Variants in PYGL observed in about 807,000 individuals in gnomAD.
PYGL encodes the protein glycogen phosphorylase L, also known as glycogen phosphorylase, liver form.
In PYGL, 90 loss-of-function variants were observed where a neutral mutation model predicts 100.1. The ratio of observed to expected loss-of-function variants is 0.90; its 90% CI spans 0.76 to 1.07. PYGL has a LOEUF of 1.07. Among genes scored for constraint, PYGL ranks in the 50% least tolerant of loss-of-function variants. The pLI, the probability that PYGL is intolerant of heterozygous loss-of-function variation, is 0.00. For missense variants in PYGL, 1,016 were observed against 1,057.6 expected, an observed-to-expected ratio of 0.96 and a Z score of 0.55; for synonymous variants, 373 against 393.0, an observed-to-expected ratio of 0.95 and a Z score of 0.60.
chr14:50,910,568 G>T (rs1411608215), intron 16 of PYGL, among the ~76,000 whole-genome samples: 2 of 152,008 alleles, frequency 1.3e-5, no homozygotes, highest in African/African-American at 4.8e-5. Flanking sequence ...CAATCTTCCT[G>T]CCCCAGCCTC....
chr14:50,908,065 A>T, intron 19 of PYGL: 1 of 453,434 alleles, frequency 2.2e-6, no homozygotes, highest in Non-Finnish European at 3.9e-6. Flanking sequence ...TGAAATGTCA[A>T]ATCTCAACCT....
rs2050402379 is a variant in PYGL, at chr14:50,911,878, GGAA to G, written c.1828-10_1828-8del. On this transcript the variant is annotated splice_region_variant and splice_polypyrimidine_tract_variant and intron_variant, in intron 15 of 19. Coordinates refer to ENST00000216392, the MANE Select transcript of PYGL (RefSeq NM_002863.5). ...TGTGATATCCTGGGGCAGCCTTTGG[GGAA>G]GAAGGTCAAACGCATTGACAGAAGG... 1 of 1,614,032 alleles carries G rather than the reference GGAA, an allele frequency of 6.2e-7. No homozygotes were observed. The highest frequency in any genetic ancestry group is 8.5e-7 in the Non-Finnish European group (1 of 1,180,020).
intron 17 of PYGL, 85 bp downstream of exon 17, chr14:50,909,810 G>T: frequency 1.2e-5 from 17 of 1,439,744 alleles, no homozygotes; most frequent in Non-Finnish European, 1.6e-5. Context: ...GTGGGATATC[G>T]GTGTGGGCAG....
chr14:50,944,066 C>A (rs1253184017), intron 1 of PYGL, 95 bp downstream of exon 1: 2 of 1,443,620 alleles, frequency 1.4e-6, no homozygotes, highest in Non-Finnish European at 1.9e-6. Context: ...GTGCAAGGGA[C>A]CACTCTGAGG....
intron 13 of PYGL, 64 bp from the exon 14 acceptor site, chr14:50,912,367 T>G (rs1340214475): frequency 6.3e-7 from 1 of 1,580,500 alleles, no homozygotes; most frequent in African/African-American, 1.3e-5. Flanking sequence ...GTCTGGTTTT[T>G]CTTTTTTTTG....
chr14:50,920,939 G>C lies in PYGL; in HGVS notation c.772+17C>G. On this transcript the variant is annotated intron_variant, in intron 6 of 19. Transcript: ENST00000216392. ...TAAGCACACGCATAAAGAAACCAAG[G>C]CCTGTGCTGTACTCACAGTCTCTGA... is the stretch of plus-strand genomic sequence containing the variant. The C allele has an allele frequency of 6.3e-7, 1 of 1,592,498 alleles. No individual in the cohort carries two copies. The highest frequency in any genetic ancestry group is 8.6e-7 in the Non-Finnish European group (1 of 1,160,464).
intron 1 of PYGL, among the ~76,000 whole-genome samples, chr14:50,940,237 G>A (rs531418903): frequency 5.3e-5 from 8 of 151,526 alleles, no homozygotes; most frequent in East Asian, 1.9e-4. Flanking sequence ...ATCCTTCCAT[G>A]TGTGTATTTT....
intron 18 of PYGL, 55 bp from the exon 19 acceptor site, chr14:50,908,392 T>A: frequency 7.1e-7 from 1 of 1,403,844 alleles, no homozygotes; most frequent in African/African-American, 1.4e-5. Context: ...CATTAATAGA[T>A]ATATGCTAAA....
At chr14:50,917,215 G>T in intron 7 of PYGL, 110 bp from the exon 8 acceptor site, 1 of 1,241,026 alleles carries the variant, frequency 8.1e-7, no homozygotes, top group Non-Finnish European at 1.2e-6. Context: ...TTGGACATCT[G>T]CTGAGGGGTG....
At position 50,905,303 on chromosome 14, in the gene PYGL, T is replaced by A; in HGVS notation, c.*89A>T. 1 of 1,327,062 alleles carries A rather than the reference T, an allele frequency of 7.5e-7. No homozygotes were observed. Among genetic ancestry groups the A allele is most frequent in the Non-Finnish European group, 1.1e-6 (1 of 924,706 alleles). The allele number at this position is 1,327,062 out of a possible 1,614,324, so 82.2% of individuals were successfully genotyped here. The stretch of plus-strand genomic sequence containing the variant: ...CCCAGAGATACTCAACTATTATAGA[T>A]TATTAGCTAACAAAACAAAAACCAG... On this transcript the variant is annotated 3_prime_UTR_variant, in exon 20 of 20. Coordinates refer to ENST00000216392, the MANE Select transcript of PYGL (RefSeq NM_002863.5).
intron 13 of PYGL, chr14:50,912,535 G>T (rs991009016): frequency 1.8e-6 from 1 of 545,218 alleles, no homozygotes; most frequent in African/African-American, 1.9e-5. Context: ...TAGAGACGGG[G>T]TTTCATCATG....
chr14:50,933,309 A>C (rs2050619431), intron 3 of PYGL, among the ~76,000 whole-genome samples: 2 of 152,252 alleles, frequency 1.3e-5, no homozygotes, highest in African/African-American at 4.8e-5. Flanking sequence ...CTTCACAGGA[A>C]GGTGGCAAGT....
intron 13 of PYGL, among the ~76,000 whole-genome samples, chr14:50,912,793 A>C (rs188733082): frequency 8.3e-4 from 126 of 152,246 alleles, no homozygotes; most frequent in African/African-American, 2.8e-3. Context: ...GTCTCTACTA[A>C]AAATACAAAA....
At chr14:50,924,310 T>A (rs895072626) in intron 4 of PYGL, among the ~76,000 whole-genome samples, 5 of 152,190 alleles carry the variant, frequency 3.3e-5, no homozygotes, top group Non-Finnish European at 7.4e-5. Flanking sequence ...CATTTAATCC[T>A]CTTTTAAAGA....
chr14:50,942,036 A>T (rs1248147650), intron 1 of PYGL, among the ~76,000 whole-genome samples: 1 of 152,168 alleles, frequency 6.6e-6, no homozygotes, highest in Non-Finnish European at 1.5e-5. Context: ...CAGACTAGGG[A>T]TCCATATTTG....
chr14:50,936,600 G>C (rs934284560), intron 2 of PYGL, among the ~76,000 whole-genome samples: 12 of 152,304 alleles, frequency 7.9e-5, no homozygotes, highest in South Asian at 6.2e-4. Context: ...CCTGAGGTCA[G>C]GAGTTCGAGA....
intron 9 of PYGL, 68 bp downstream of exon 9, chr14:50,916,574 T>G (rs531829715): frequency 1.6e-4 from 221 of 1,401,390 alleles, no homozygotes; most frequent in Non-Finnish European, 2.1e-4. Context: ...AAAAAGGGAG[T>G]TTTTGGCAGT....
In PYGL at chr14:50,917,237, G is replaced by A. The variant is rs1057262300; in HGVS notation, c.856-132C>T. On this transcript the variant is annotated intron_variant, in intron 7 of 19. Transcript: ENST00000216392. Reference sequence around the variant, plus strand: ...TCTGCTGAGGGGTGGTGGTTTGAATGCCAAACTGTGAGCCTTTGCTCTTTC... The same window carrying A: ...TCTGCTGAGGGGTGGTGGTTTGAATACCAAACTGTGAGCCTTTGCTCTTTC... The A allele has an allele frequency of 9.0e-6, 9 of 1,001,154 alleles. No individual in the cohort carries two copies. In the African/African-American group the frequency reaches 1.4e-4, roughly 16 times the overall value. 62.0% of individuals were successfully genotyped at this position (1,001,154 alleles called of 1,614,324 possible).
chr14:50,923,446 C>T (rs998729515), intron 5 of PYGL: 5 of 156,952 alleles, frequency 3.2e-5, no homozygotes, highest in Non-Finnish European at 7.0e-5. Flanking sequence ...GGCCACCACT[C>T]CTGGCTAATT....
Sources: gnomAD v4.1 joint callset for allele counts (sites outside exome capture counted in the v4.1 genomes callset) on GRCh38, gnomAD v4.1.1 for gene constraint, MANE v1.5 for transcripts, NCBI Gene and HGNC (gene_info 2026-07-23, HGNC 2026-07-21) for gene names.